PPIP5K2: variants seen among roughly 807,000 people sequenced by gnomAD.
The protein encoded by PPIP5K2 is inositol hexakisphosphate and diphosphoinositol-pentakisphosphate kinase 2.
In PPIP5K2, 105 loss-of-function variants were observed where a neutral mutation model predicts 154.6. The observed-to-expected ratio is 0.68, with a 90% CI of 0.58 to 0.80. The LOEUF is 0.80. Ranked by LOEUF, PPIP5K2 falls within the 30% of genes least tolerant of loss-of-function variation. The pLI, the probability that PPIP5K2 is intolerant of heterozygous loss-of-function variation, is 0.00. For missense variants in PPIP5K2, 992 were observed against 1,504.6 expected, an observed-to-expected ratio of 0.66 and a Z score of 5.64; for synonymous variants, 480 against 490.3, an observed-to-expected ratio of 0.98 and a Z score of 0.28.
At chr5:103,181,675 G>A (rs78513780) in intron 24 of PPIP5K2, among the ~76,000 whole-genome samples, 7,859 of 152,086 alleles carry the variant, frequency 0.052, 520 homozygotes, top group African/African-American at 0.16. Context: ...TTAGAATAAA[G>A]CATTATTTAA....
At chr5:103,147,723 A>G (rs1273665792) in intron 6 of PPIP5K2, among the ~76,000 whole-genome samples, 3 of 151,954 alleles carry the variant, frequency 2.0e-5, no homozygotes, top group East Asian at 1.9e-4. Context: ...TTGTATTTCT[A>G]TGTTCTCTAA....
intron 5 of PPIP5K2, among the ~76,000 whole-genome samples, chr5:103,143,751 T>G (rs1477446453): frequency 6.6e-6 from 1 of 151,930 alleles, no homozygotes; most frequent in Non-Finnish European, 1.5e-5. Context: ...CATGATAAAA[T>G]CTCTCAAAAA....
chr5:103,193,173 G>A (rs1344001776), intron 29 of PPIP5K2, among the ~76,000 whole-genome samples: 1 of 152,026 alleles, frequency 6.6e-6, no homozygotes, highest in Non-Finnish European at 1.5e-5. Flanking sequence ...TAAAATCCAG[G>A]TCTTCTAAAG....
chr5:103,160,929 T>C (rs989859377), intron 17 of PPIP5K2, among the ~76,000 whole-genome samples: 18 of 148,908 alleles, frequency 1.2e-4, no homozygotes, highest in African/African-American at 4.4e-4. Flanking sequence ...TGTCAAACTG[T>C]TTTTTTTTTC....
chr5:103,177,828 T>C, intron 22 of PPIP5K2, 36 bp from the exon 23 acceptor site: 2 of 1,598,706 alleles, frequency 1.3e-6, no homozygotes, highest in Non-Finnish European at 1.7e-6. Flanking sequence ...GAGCTTAAAG[T>C]TTCTCATTTT....
chr5:103,159,401 C>A, intron 17 of PPIP5K2, 73 bp downstream of exon 17: 1 of 1,212,810 alleles, frequency 8.2e-7, no homozygotes, highest in Non-Finnish European at 1.1e-6. Flanking sequence ...ATAAAACATA[C>A]ATGTAGAGCT....
At chr5:103,194,652 G>A (rs1801778003) in intron 29 of PPIP5K2, 1 of 263,072 alleles carries the variant, frequency 3.8e-6, no homozygotes, top group Non-Finnish European at 7.2e-6. Flanking sequence ...CTCTATTCTT[G>A]GCATTCCTTT....
chr5:103,173,970 A>C lies in PPIP5K2; in HGVS notation c.2527A>C (p.Asn843His). The C allele has an allele frequency of 1.3e-6, 2 of 1,552,268 alleles. No homozygotes were observed. Among genetic ancestry groups the C allele is most frequent in the Non-Finnish European group, 1.8e-6 (2 of 1,130,740 alleles). The change falls in exon 21 of 31, where the codon AAT (asparagine) becomes CAT (histidine). Residue 843 changes from asparagine to histidine, a missense_variant and splice_region_variant. Asn to His is a moderately conservative substitution (Grantham distance 68). Transcript: ENST00000358359. ...LSILRYGALC[N>H]ESKDEQWKRA... ...TATTCTTCGCTATGGTGCCTTATGC[A>C]ATGTAAGTAGAATAAGTTATTTCAG... is the stretch of plus-strand genomic sequence containing the variant.
chr5:103,173,364 A>G (rs544349154), intron 20 of PPIP5K2, 82 bp downstream of exon 20: 14 of 1,446,868 alleles, frequency 9.7e-6, no homozygotes, highest in East Asian at 2.4e-5. Context: ...TGATGGTCCT[A>G]TGAAGTCAGA....
chr5:103,184,597 C>T, intron 25 of PPIP5K2, 75 bp from the exon 26 acceptor site: 3 of 1,083,994 alleles, frequency 2.8e-6, no homozygotes, highest in Non-Finnish European at 4.2e-6. Context: ...CTGTCTGGAA[C>T]AGGCTGCATA....
intron 8 of PPIP5K2, among the ~76,000 whole-genome samples, chr5:103,150,240 A>C (rs1554210817): frequency 6.6e-6 from 1 of 152,190 alleles, no homozygotes; most frequent in African/African-American, 2.4e-5. Flanking sequence ...CATGGAAGGA[A>C]TGTTAGCCTG....
intron 4 of PPIP5K2, among the ~76,000 whole-genome samples, chr5:103,138,012 A>G (rs1791853756): frequency 6.6e-6 from 1 of 152,126 alleles, no homozygotes; most frequent in Non-Finnish European, 1.5e-5. Flanking sequence ...TGCTGTGAAC[A>G]TTTCTCCATG....
At chr5:103,127,569 T>A (rs1554201145) in intron 1 of PPIP5K2, among the ~76,000 whole-genome samples, 2 of 152,214 alleles carry the variant, frequency 1.3e-5, no homozygotes, top group African/African-American at 4.8e-5. Flanking sequence ...ATTTACATGT[T>A]AGAGTCAGTA....
intron 26 of PPIP5K2, 56 bp downstream of exon 26, chr5:103,184,800 A>C: frequency 1.4e-6 from 2 of 1,380,760 alleles, no homozygotes; most frequent in Non-Finnish European, 2.1e-6. Context: ...ACTATTGTGC[A>C]CACATGTAAA....
Position 103,209,745 on chromosome 5 carries a change from G to A in PPIP5K2, c.*8111G>A, listed in dbSNP as rs1270934975. 1.3e-5 allele frequency: 2 copies of A among 152,116 alleles called. No homozygotes were observed. Among genetic ancestry groups the A allele is most frequent in the Non-Finnish European group, 1.5e-5 (1 of 68,026 alleles). The allele number at this position is 152,116 out of a possible 1,614,324, so 9.4% of individuals were successfully genotyped here. A position where few individuals can be genotyped will look rare whatever the true frequency, so the allele number is the denominator to read the frequency against. On this transcript the variant is annotated 3_prime_UTR_variant, in exon 31 of 31. Coordinates refer to ENST00000358359, the MANE Select transcript of PPIP5K2 (RefSeq NM_001276277.3). Reference sequence around the variant, plus strand: ...AGAAAGCTTGATGATAAAGGTGGGTGGGTGGATGGATGGATGGATGAATGA... The same window carrying A: ...AGAAAGCTTGATGATAAAGGTGGGTAGGTGGATGGATGGATGGATGAATGA...
chr5:103,186,481 T>A, intron 27 of PPIP5K2, 42 bp downstream of exon 27: 1 of 1,611,882 alleles, frequency 6.2e-7, no homozygotes, highest in Non-Finnish European at 8.5e-7. Flanking sequence ...CCTACACCCA[T>A]GCACACACCC....
chr5:103,138,360 A>T, intron 4 of PPIP5K2, 24 bp from the exon 5 acceptor site: 1 of 1,356,654 alleles, frequency 7.4e-7, no homozygotes, highest in Non-Finnish European at 1.0e-6. Flanking sequence ...ATAAAACAAT[A>T]AGGATGTTTC....
chr5:103,207,705 T>C lies in PPIP5K2; in HGVS notation c.*6071T>C, dbSNP rs1554232366. On this transcript the variant is annotated 3_prime_UTR_variant, in exon 31 of 31. Transcript: ENST00000358359. ...TCCTTTTCATTTCTTTTCTGAACTT[T>C]GTTAGCTTATGTTGCATTTCCTTTG... 1 of 152,174 alleles carries C rather than the reference T, an allele frequency of 6.6e-6. No homozygotes were observed. Among genetic ancestry groups the C allele is most frequent in the Admixed American group, 6.6e-5 (1 of 15,264 alleles). The allele number at this position is 152,174 out of a possible 1,614,324, so 9.4% of individuals were successfully genotyped here.
chr5:103,192,023 C>T (rs1312734163), intron 29 of PPIP5K2, among the ~76,000 whole-genome samples: 1 of 152,072 alleles, frequency 6.6e-6, no homozygotes, highest in African/African-American at 2.4e-5. Flanking sequence ...TGGGCCATCA[C>T]ATCGTATAAT....
Sources: gnomAD v4.1 joint callset for allele counts (sites outside exome capture counted in the v4.1 genomes callset) on GRCh38, gnomAD v4.1.1 for gene constraint, MANE v1.5 for transcripts, NCBI Gene and HGNC (gene_info 2026-07-23, HGNC 2026-07-21) for gene names.